Variants in OPRM1 observed in about 807,000 individuals in gnomAD.
OPRM1 encodes the protein opioid receptor mu 1, also known as mu-type opioid receptor.
OPRM1 carries 27 observed loss-of-function variants against 31.8 expected under a neutral mutation model. The ratio of observed to expected loss-of-function variants is 0.85; its 90% CI spans 0.63 to 1.17. The LOEUF is 1.17. Among genes scored for constraint, OPRM1 ranks in the 50% most tolerant of loss-of-function variants. The pLI is 0.00. For missense variants in OPRM1, 536 were observed against 511.1 expected (o/e 1.05, Z -0.47); for synonymous variants, 196 against 189.9 (o/e 1.03, Z -0.26).
chr6:154,103,549 G>A (rs1180962089), intron 3 of OPRM1, among the ~76,000 whole-genome samples: 1 of 152,080 alleles, frequency 6.6e-6, no homozygotes, highest in African/African-American at 2.4e-5. Flanking sequence ...CAATGAGGTA[G>A]GTTTATAAAC....
rs187126194 is a variant in OPRM1 at position 154,104,021 on chromosome 6, A to T, written c.1164+12549A>T. Among the ~76,000 whole-genome samples, 507 of 152,316 alleles carry T rather than the reference A, an allele frequency of 3.3e-3. 2 individuals carry two copies. Among genetic ancestry groups the T allele is most frequent in the African/African-American group, 0.012 (494 of 41,574 alleles). The stretch of plus-strand genomic sequence containing the variant: ...TCAAGATGGAGTTGTTCTGGTTCAC[A>T]TGCCTCTGACATGTCCCCCCTCCCT... On this transcript the variant is annotated intron_variant, in intron 3 of 3. Coordinates refer to ENST00000330432, the MANE Select transcript of OPRM1 (RefSeq NM_000914.5).
At position 154,168,610 on chromosome 6, in the gene OPRM1, T is replaced by G. The variant is rs949704865; in HGVS notation, c.1164+77138T>G. On this transcript the variant is annotated intron_variant, in intron 3 of 3. Coordinates refer to the OPRM1 transcript ENST00000337049. The surrounding 1 kb of genome is among the most constrained non-coding windows in gnomAD (Gnocchi z 4.1). Reference sequence around the variant, plus strand: ...TTATTAATTAATTAATTAATTTTATTATTATTTTTTTTGAGACGGAGTTTT... The same window carrying G: ...TTATTAATTAATTAATTAATTTTATGATTATTTTTTTTGAGACGGAGTTTT... Among the ~76,000 whole-genome samples, 14 of 152,070 alleles carry G rather than the reference T, an allele frequency of 9.2e-5. No homozygotes were observed. Among genetic ancestry groups the G allele is most frequent in the African/African-American group, 3.1e-4 (13 of 41,410 alleles).
intron 3 of OPRM1, among the ~76,000 whole-genome samples, chr6:154,170,542 T>A (rs1489561452): frequency 1.3e-5 from 2 of 152,214 alleles, no homozygotes; most frequent in Non-Finnish European, 2.9e-5. Flanking sequence ...TGACTTAAAA[T>A]GTTCATCAGC....
chr6:154,231,862 A>G (rs993959430), intron 3 of OPRM1, among the ~76,000 whole-genome samples: 4 of 152,248 alleles, frequency 2.6e-5, no homozygotes, highest in African/African-American at 9.6e-5. Context: ...AAAGAAAAGC[A>G]ATTCTCGAAA....
At chr6:154,070,166 C>T (rs373004910) in intron 1 of OPRM1, among the ~76,000 whole-genome samples, 6 of 152,334 alleles carry the variant, frequency 3.9e-5, no homozygotes, top group African/African-American at 1.4e-4. Context: ...ATTGCCTACC[C>T]TGGCTCCCAC....
intron 1 of OPRM1, among the ~76,000 whole-genome samples, chr6:154,060,646 T>C (rs1784212326): frequency 1.3e-5 from 2 of 152,156 alleles, no homozygotes; most frequent in African/African-American, 4.8e-5. Context: ...GAGAGAAGAA[T>C]TCTTAGTTGT....
At chr6:154,142,373 A>G (rs927864589) in intron 3 of OPRM1, among the ~76,000 whole-genome samples, 1 of 72,492 alleles carries the variant, frequency 1.4e-5, no homozygotes, top group Admixed American at 1.6e-4. Context: ...TCGACCATGC[A>G]CATTAAGAGG....
chr6:154,025,074 T>C (rs989592349), intron 1 of OPRM1, among the ~76,000 whole-genome samples: 1 of 152,122 alleles, frequency 6.6e-6, no homozygotes, highest in African/African-American at 2.4e-5. Flanking sequence ...AGTCTCTTTG[T>C]TGATTTTCTG....
intron 3 of OPRM1, among the ~76,000 whole-genome samples, chr6:154,166,939 T>C (rs1397319459): frequency 6.6e-6 from 1 of 152,262 alleles, no homozygotes; most frequent in Non-Finnish European, 1.5e-5. Flanking sequence ...GTATTATCTT[T>C]GTATAATTAA....
At chr6:154,199,870 T>A in intron 3 of OPRM1, 1 of 1,614,202 alleles carries the variant, frequency 6.2e-7, no homozygotes, top group South Asian at 1.1e-5. Flanking sequence ...TTATTGGTTG[T>A]CCCTCATCTT....
intron 1 of OPRM1, among the ~76,000 whole-genome samples, chr6:154,029,004 G>A (rs1258771242): frequency 1.3e-5 from 2 of 151,956 alleles, no homozygotes; most frequent in Non-Finnish European, 2.9e-5. Flanking sequence ...TTCTTATCAG[G>A]GGGACAATTG....
chr6:154,095,272 C>T (rs1278418581), intron 3 of OPRM1, among the ~76,000 whole-genome samples: 1 of 152,142 alleles, frequency 6.6e-6, no homozygotes, highest in African/African-American at 2.4e-5. Flanking sequence ...GCCTGGGCAA[C>T]AAGAACGAAA....
chr6:154,045,094 C>T (rs888312485), intron 1 of OPRM1, among the ~76,000 whole-genome samples: 2 of 151,914 alleles, frequency 1.3e-5, no homozygotes, highest in East Asian at 1.9e-4. Context: ...GACTGGGTGG[C>T]GCATGCTTGT....
intron 3 of OPRM1, among the ~76,000 whole-genome samples, chr6:154,220,969 T>G (rs940504611): frequency 1.3e-5 from 2 of 152,258 alleles, no homozygotes; most frequent in African/African-American, 4.8e-5. Context: ...GCCTCTCTCC[T>G]TGTGATGCTG....
rs199585540 is a variant in OPRM1 at position 154,118,768 on chromosome 6, T to C, written c.*47T>C. 1.8e-5 allele frequency: 29 copies of C among 1,609,342 alleles called. No homozygotes were observed. The African/African-American group carries it at 2.5e-4, about 14-fold the overall frequency. On this transcript the variant is annotated 3_prime_UTR_variant, in exon 4 of 4. Coordinates refer to ENST00000330432, the MANE Select transcript of OPRM1 (RefSeq NM_000914.5). ...CCTTCACCAAGCTTAGAAGCCACCATGTATGTGGAAGCAGGTTGCTTCAAG... is the reference window on the plus strand; with the variant it reads ...CCTTCACCAAGCTTAGAAGCCACCACGTATGTGGAAGCAGGTTGCTTCAAG...
intron 3 of OPRM1, among the ~76,000 whole-genome samples, chr6:154,141,977 C>T (rs1384340500): frequency 2.6e-5 from 4 of 152,222 alleles, no homozygotes; most frequent in Non-Finnish European, 2.9e-5. Flanking sequence ...AAGTTTTACA[C>T]AAGTGGTTGC....
intron 3 of OPRM1, chr6:154,094,286 G>A (rs890546228): frequency 3.4e-5 from 40 of 1,168,330 alleles, no homozygotes; most frequent in African/African-American, 9.4e-5. Context: ...TCCATACAGC[G>A]CAAAGTGGAG....
intron 3 of OPRM1, chr6:154,223,003 G>A (rs1778988142): frequency 1.6e-6 from 1 of 625,596 alleles, no homozygotes; most frequent in African/African-American, 1.8e-5. Context: ...GAAAATGAGA[G>A]GTTAAATGCT....
chr6:154,152,343 G>GAAAAA (rs753860826), intron 3 of OPRM1, among the ~76,000 whole-genome samples: 1 of 20,484 alleles, frequency 4.9e-5, no homozygotes, highest in Admixed American at 6.1e-4. Context: ...AAGAAAGAAA[G>GAAAAA]AAAGGAAAGA....
Sources: gnomAD v4.1 joint callset for allele counts (sites outside exome capture counted in the v4.1 genomes callset) on GRCh38, gnomAD v4.1.1 for gene constraint, Gnocchi (gnomAD v3.1) non-coding constraint, MANE v1.5 for transcripts, NCBI Gene and HGNC (gene_info 2026-07-23, HGNC 2026-07-21) for gene names.